Variants in TNFRSF19 observed in about 807,000 individuals in gnomAD.
The protein encoded by TNFRSF19 is tumor necrosis factor receptor superfamily member 19.
Under a neutral mutation model 46.4 loss-of-function variants are expected in TNFRSF19, and 27 were observed. The ratio of observed to expected loss-of-function variants is 0.58; its 90% confidence interval spans 0.43 to 0.80. TNFRSF19 has a LOEUF of 0.80. Ranked by LOEUF, TNFRSF19 falls within the 30% of genes least tolerant of loss-of-function variation. The pLI is 0.00. For missense variants in TNFRSF19, 511 were observed against 530.8 expected, an observed-to-expected ratio of 0.96 and a Z score of 0.37; for synonymous variants, 204 against 205.0, an observed-to-expected ratio of 1.00 and a Z score of 0.04.
intron 3 of TNFRSF19, among the ~76,000 whole-genome samples, chr13:23,599,589 A>G (rs917610017): frequency 6.6e-6 from 1 of 152,102 alleles, no homozygotes; most frequent in Non-Finnish European, 1.5e-5. Flanking sequence ...CTGATTGGCT[A>G]TTGGTTATTA....
At chr13:23,626,671 A>G in intron 4 of TNFRSF19, 36 bp from the exon 5 acceptor site, 1 of 1,599,038 alleles carries the variant, frequency 6.3e-7, no homozygotes. Context: ...GCTTAGATGA[A>G]AGAGTTAACA....
chr13:23,615,866 G>A lies in TNFRSF19; in HGVS notation c.181-1G>A. 1 of 1,595,424 alleles carries A rather than the reference G, an allele frequency of 6.3e-7. No homozygotes were observed. Among genetic ancestry groups the A allele is most frequent in the East Asian group, 2.3e-5 (1 of 44,330 alleles). ...TTTCTGTTACCCGTTAATCCCCACA[G>A]GAATGTGGCTTCGGCTATGGGGAGG... On this transcript the variant is annotated splice_acceptor_variant, in intron 3 of 9. Transcript: ENST00000248484. LOFTEE classifies it high-confidence loss of function.
At chr13:23,611,126 G>GCACACACACA (rs34837771) in intron 3 of TNFRSF19, among the ~76,000 whole-genome samples, 34 of 147,664 alleles carry the variant, frequency 2.3e-4, no homozygotes, top group African/African-American at 8.2e-4. Context: ...ACACACATGT[G>GCACACACACA]CACACACACA....
At chr13:23,644,499 T>C (rs1446309654) in intron 5 of TNFRSF19, among the ~76,000 whole-genome samples, 1 of 152,212 alleles carries the variant, frequency 6.6e-6, no homozygotes, top group African/African-American at 2.4e-5. Flanking sequence ...GTAAGTTTCC[T>C]GAGGCCTCCC....
rs562048076 is a variant in TNFRSF19 at position 23,624,329 on chromosome 13, G to GT, written c.360-2367dup. Among the ~76,000 whole-genome samples the GT allele has an allele frequency of 3.6e-3, 505 of 141,270 alleles. 2 individuals are homozygous for GT. The highest frequency in any genetic ancestry group is 0.01 in the African/African-American group (398 of 38,360). 92.7% of individuals were successfully genotyped at this position (141,270 alleles called of 152,430 possible). On this transcript the variant is annotated intron_variant, in intron 4 of 9. Transcript: ENST00000248484. Reference sequence around the variant, plus strand: ...CAGGAAGTATGAGTCCTCGAACTTTGTTTTTTTTTTTAATTTTTACTTCAT... The same window carrying GT: ...CAGGAAGTATGAGTCCTCGAACTTTGTTTTTTTTTTTTAATTTTTACTTCAT...
rs939776260 is a variant in TNFRSF19 at position 23,580,565 on chromosome 13, C to T, written c.-34-9585C>T. ...TTTACTCAGTACCTTTTCTGTGGTGCAGTTTCACCTTAGGCGTTTTTGCCA... is the reference window on the plus strand; with the variant it reads ...TTTACTCAGTACCTTTTCTGTGGTGTAGTTTCACCTTAGGCGTTTTTGCCA... On this transcript the variant is annotated intron_variant, in intron 1 of 9. Transcript: ENST00000248484. Among the ~76,000 whole-genome samples, 8 of 152,324 alleles carry T rather than the reference C, an allele frequency of 5.3e-5. No homozygotes were observed. The East Asian group carries it at 1.5e-3, about 29-fold the overall frequency.
At chr13:23,625,946 T>C (rs1040554714) in intron 4 of TNFRSF19, among the ~76,000 whole-genome samples, 3 of 152,238 alleles carry the variant, frequency 2.0e-5, no homozygotes, top group African/African-American at 7.2e-5. Flanking sequence ...TGTGTCGTGC[T>C]TTTCAGTTTA....
chr13:23,624,377 AT>A (rs1382929821), intron 4 of TNFRSF19, among the ~76,000 whole-genome samples: 1 of 151,686 alleles, frequency 6.6e-6, no homozygotes, highest in East Asian at 1.9e-4. Flanking sequence ...GAGTAATTTT[AT>A]TAATATCTAA....
intron 5 of TNFRSF19, among the ~76,000 whole-genome samples, chr13:23,643,625 C>T (rs1016431672): frequency 6.6e-6 from 1 of 152,220 alleles, no homozygotes; most frequent in African/African-American, 2.4e-5. Context: ...TCTTCCAACA[C>T]ACAGTAACAG....
rs114033925 is a variant in TNFRSF19, at chr13:23,610,213, A to G, written c.181-5654A>G. ...CCCAGAATGTGTTTCCTGGACAACA[A>G]GGGTCTGTGAGTTTTCCCCTGTGGT... On this transcript the variant is annotated intron_variant, in intron 3 of 9. Transcript: ENST00000248484. Among the ~76,000 whole-genome samples, 861 of 152,320 alleles carry G rather than the reference A, an allele frequency of 5.7e-3. 9 individuals carry two copies. The highest frequency in any genetic ancestry group is 0.02 in the African/African-American group (832 of 41,564).
chr13:23,635,564 A>C (rs1178455014), intron 5 of TNFRSF19, among the ~76,000 whole-genome samples: 1 of 152,048 alleles, frequency 6.6e-6, no homozygotes, highest in Non-Finnish European at 1.5e-5. Context: ...TTTTTAGTAG[A>C]GACGGGGTTT....
intron 5 of TNFRSF19, among the ~76,000 whole-genome samples, chr13:23,655,994 A>C (rs1362128365): frequency 6.6e-6 from 1 of 152,206 alleles, no homozygotes; most frequent in Non-Finnish European, 1.5e-5. Flanking sequence ...GTTTGCTCTG[A>C]GTGTTACCAT....
In TNFRSF19 at chr13:23,669,023, G is replaced by C. The variant is rs765835816; in HGVS notation, c.1171G>C (p.Ala391Pro). Residue 391 changes from alanine (A) to proline (P), a missense_variant, in exon 9 of 10, where the codon GCA (alanine) becomes CCA (proline). Transcript: ENST00000248484. ...TLVESASTQD[A>P]LTMRSQLDQE... ...GGTAGAATCAGCATCAACTCAGGATGCACTAACTATGAGAAGCCAGCTAGA... is the reference window on the plus strand; with the variant it reads ...GGTAGAATCAGCATCAACTCAGGATCCACTAACTATGAGAAGCCAGCTAGA... The C allele has an allele frequency of 4.3e-6, 7 of 1,614,090 alleles. No individual in the cohort carries two copies. In the African/African-American group the frequency reaches 6.7e-5, roughly 15 times the overall value.
At chr13:23,666,517 T>A (rs529319259) in intron 7 of TNFRSF19, among the ~76,000 whole-genome samples, 25 of 152,334 alleles carry the variant, frequency 1.6e-4, no homozygotes, top group Non-Finnish European at 3.1e-4. Context: ...TCATGTTGCC[T>A]TTCATTTGGA....
intron 4 of TNFRSF19, among the ~76,000 whole-genome samples, chr13:23,616,694 TGCCTCA>T (rs1881320041): frequency 1.3e-5 from 2 of 152,192 alleles, no homozygotes; most frequent in African/African-American, 4.8e-5. Flanking sequence ...GTGATTCTTC[TGCCTCA>T]GCCTCCCGAG....
intron 4 of TNFRSF19, among the ~76,000 whole-genome samples, chr13:23,622,477 C>T (rs892884129): frequency 1.3e-5 from 2 of 152,052 alleles, no homozygotes; most frequent in African/African-American, 4.8e-5. Flanking sequence ...ACATGACAAC[C>T]TTCTAGCCTC....
At chr13:23,616,183 C>G in intron 4 of TNFRSF19, 138 bp downstream of exon 4, 1 of 866,244 alleles carries the variant, frequency 1.2e-6, no homozygotes, top group Admixed American at 3.1e-5. Context: ...TGACTTCTTT[C>G]AGTATTAACC....
chr13:23,606,564 CAT>C (rs1422471436), intron 3 of TNFRSF19, among the ~76,000 whole-genome samples: 1 of 152,116 alleles, frequency 6.6e-6, no homozygotes, highest in African/African-American at 2.4e-5. Context: ...TGACACAGTA[CAT>C]GAGTGAACAA....
rs756166578 is a variant in TNFRSF19, at chr13:23,615,852, C to T, written c.181-15C>T. ...AAAGTCTGAATAGCTTTCTGTTACC[C>T]GTTAATCCCCACAGGAATGTGGCTT... On this transcript the variant is annotated splice_polypyrimidine_tract_variant and intron_variant, in intron 3 of 9. Transcript: ENST00000248484. 3.6e-5 allele frequency: 57 copies of T among 1,566,468 alleles called. No homozygotes were observed. The highest frequency in any genetic ancestry group is 9.2e-5 in the East Asian group (4 of 43,630).
Sources: allele counts gnomAD v4.1 joint callset (sites outside exome capture counted in the v4.1 genomes callset), GRCh38; gene constraint gnomAD v4.1.1; transcripts MANE v1.5; gene names NCBI Gene and HGNC (gene_info 2026-07-23, HGNC 2026-07-21).